Variants in DYNC2LI1 observed in about 807,000 individuals in gnomAD.
DYNC2LI1 encodes the protein cytoplasmic dynein 2 light intermediate chain 1.
DYNC2LI1 carries 45 observed loss-of-function variants against 51.9 expected under a neutral mutation model. That is an observed-to-expected ratio of 0.87 (90% CI 0.68 to 1.11). DYNC2LI1 has a LOEUF of 1.11. Among genes scored for constraint, DYNC2LI1 ranks in the 50% most tolerant of loss-of-function variants. The pLI is 0.00. For synonymous variants in DYNC2LI1, 130 were observed against 137.8 expected (o/e 0.94, Z 0.40); for missense variants, 490 against 417.4 (o/e 1.17, Z -1.51).
the DYNC2LI1 span, chr2:43,827,944 C>G: frequency 5.6e-6 from 9 of 1,611,902 alleles, no homozygotes; most frequent in Non-Finnish European, 7.6e-6. Context: ...ACAGAAGATG[C>G]CCAGACAGCA....
intron 9 of DYNC2LI1, 119 bp downstream of exon 9, chr2:43,801,036 C>A: frequency 2.5e-6 from 1 of 396,420 alleles, no homozygotes. Flanking sequence ...ACCCAGATGG[C>A]TTTTCTTAAA....
intron 5 of DYNC2LI1, among the ~76,000 whole-genome samples, chr2:43,790,259 C>T (rs575171398): frequency 6.6e-6 from 1 of 152,300 alleles, no homozygotes; most frequent in African/African-American, 2.4e-5. Flanking sequence ...GTGATGTTTT[C>T]CTGACAGTAA....
rs180872013 is a variant in DYNC2LI1, at chr2:43,778,896, T to C, written c.126+1997T>C. On this transcript the variant is annotated intron_variant, in intron 2 of 12. Coordinates refer to ENST00000260605, the MANE Select transcript of DYNC2LI1 (RefSeq NM_016008.4). ...TTTTTGTTTTTAGTAATAAAAGTAA[T>C]TTTGTTTCTGATGATTTGGGAACTC... 3.9e-5 allele frequency among the ~76,000 whole-genome samples: 6 copies of C among 152,336 alleles called. No individual in the cohort carries two copies. In the East Asian group the frequency reaches 9.6e-4, roughly 24 times the overall value.
downstream of DYNC2LI1, among the ~76,000 whole-genome samples, chr2:43,812,137 G>A (rs4952685): frequency 0.24 from 36,440 of 151,694 alleles, 5,269 homozygotes; most frequent in African/African-American, 0.4. Flanking sequence ...TGCAGCCCCT[G>A]CCTCCTAGGT....
intron 12 of DYNC2LI1, among the ~76,000 whole-genome samples, chr2:43,808,236 T>C (rs2104725233): frequency 6.7e-6 from 1 of 150,224 alleles, no homozygotes; most frequent in Middle Eastern, 3.5e-3. Flanking sequence ...ATGAAAATTC[T>C]TCCTAGAATC....
chr2:43,787,137 T>A lies in DYNC2LI1; in HGVS notation c.162-44T>A, dbSNP rs1673560854. The A allele has an allele frequency of 2.0e-6, 3 of 1,515,680 alleles. No individual in the cohort carries two copies. In the East Asian group the frequency reaches 6.8e-5, roughly 34 times the overall value. The allele number at this position is 1,515,680 out of a possible 1,614,324, so 93.9% of individuals were successfully genotyped here. ...CAGGTAAGGTGATAGCATAAGAAACTAATACCACCTACAATGATAATACTA... is the reference window on the plus strand; with the variant it reads ...CAGGTAAGGTGATAGCATAAGAAACAAATACCACCTACAATGATAATACTA... On this transcript the variant is annotated intron_variant, in intron 3 of 12. Transcript: ENST00000260605.
rs142464485 is a variant in DYNC2LI1 at position 43,789,685 on chromosome 2, A to C, written c.284A>C (p.Asp95Ala). The C allele has an allele frequency of 7.3e-4, 1,173 of 1,613,924 alleles. 14 individuals are homozygous for C. The African/African-American group carries it at 0.014, about 19-fold the overall frequency. ...CTCGGTGGAGGAACCTCTTTATTGG[A>C]CTTAATCAGCATACCCATCACAGGT... ...WELGGGTSLL[D>A]LISIPITGDT... The change falls in exon 5 of 13, where the codon GAC becomes GCC. Residue 95 changes from aspartate to alanine, a missense_variant. Asp to Ala is a moderately radical substitution (Grantham distance 126). Coordinates refer to ENST00000260605, the MANE Select transcript of DYNC2LI1 (RefSeq NM_016008.4).
At chr2:43,808,900 C>T (rs183228930) in intron 12 of DYNC2LI1, among the ~76,000 whole-genome samples, 33 of 151,962 alleles carry the variant, frequency 2.2e-4, no homozygotes, top group African/African-American at 7.0e-4. Context: ...CTTTTACATC[C>T]TTGTGCATTG....
chr2:43,813,684 T>G (rs1288868331), downstream of DYNC2LI1, among the ~76,000 whole-genome samples: 2 of 150,236 alleles, frequency 1.3e-5, no homozygotes, highest in African/African-American at 4.9e-5. Flanking sequence ...GTTTTTTTTT[T>G]GTTTTTTTTG....
At chr2:43,824,745 C>A in the DYNC2LI1 span, 3 of 1,445,100 alleles carry the variant, frequency 2.1e-6, no homozygotes, top group African/African-American at 4.3e-5. Context: ...TTCATTGACC[C>A]GGCCAAATTG....
chr2:43,806,433 C>T (rs1666259086), intron 12 of DYNC2LI1, among the ~76,000 whole-genome samples: 1 of 152,086 alleles, frequency 6.6e-6, no homozygotes, highest in African/African-American at 2.4e-5. Flanking sequence ...GTAAGCAAAA[C>T]ATTTTATGTA....
chr2:43,816,578 C>G, the DYNC2LI1 span, among the ~76,000 whole-genome samples: 5 of 152,126 alleles, frequency 3.3e-5, no homozygotes, highest in Non-Finnish European at 7.4e-5. Context: ...GAGTCTTGTT[C>G]TGTCACCTAG....
At chr2:43,824,404 G>C in the DYNC2LI1 span, 1 of 1,614,024 alleles carries the variant, frequency 6.2e-7, no homozygotes, top group South Asian at 1.1e-5. Context: ...CCCGTTCCTT[G>C]CTTTGGGTAT....
chr2:43,823,038 G>C, the DYNC2LI1 span: 1 of 1,493,044 alleles, frequency 6.7e-7, no homozygotes, highest in Non-Finnish European at 9.1e-7. Flanking sequence ...TGGATGGTGA[G>C]GACCAGCTAG....
the DYNC2LI1 span, among the ~76,000 whole-genome samples, chr2:43,818,173 T>C: frequency 6.6e-6 from 1 of 152,056 alleles, no homozygotes; most frequent in Non-Finnish European, 1.5e-5. Flanking sequence ...GTTTCTAGGT[T>C]GGCTGCGGTG....
At chr2:43,828,280 T>C in the DYNC2LI1 span, 4 of 916,470 alleles carry the variant, frequency 4.4e-6, no homozygotes, top group Non-Finnish European at 6.8e-6. Context: ...AATAATATGA[T>C]CCAATTCGGC....
chr2:43,804,659 G>C lies in DYNC2LI1; in HGVS notation c.820G>C (p.Glu274Gln). 1.9e-6 allele frequency: 3 copies of C among 1,604,504 alleles called. No individual in the cohort carries two copies. The highest frequency in any genetic ancestry group is 2.5e-6 in the Non-Finnish European group (3 of 1,176,552). Residue 274 changes from glutamate (E) to glutamine (Q), a missense_variant, in exon 11 of 13, where the codon GAA (glutamate) becomes CAA (glutamine). By Grantham distance (29) the Glu-to-Gln change is conservative. Transcript: ENST00000260605. ...TATTTTAGGATCTCCTCCTGTTCCT[G>C]AAAATGACATTGGAAAGCTTCATGC... Reference protein sequence around the residue: ...FGQIGSPPVPENDIGKLHAHS... With the variant: ...FGQIGSPPVPQNDIGKLHAHS...
chr2:43,826,444 G>T, the DYNC2LI1 span: 5 of 1,614,172 alleles, frequency 3.1e-6, no homozygotes, highest in South Asian at 1.1e-5. Flanking sequence ...CTGCGAGCCA[G>T]TTCCACCAGG....
the DYNC2LI1 span, among the ~76,000 whole-genome samples, chr2:43,820,616 T>A: frequency 1.1e-4 from 16 of 152,262 alleles, no homozygotes; most frequent in Admixed American, 8.5e-4. Context: ...TCCATTCCAT[T>A]CTTGTCTTTT....
Sources: allele counts gnomAD v4.1 joint callset (sites outside exome capture counted in the v4.1 genomes callset), GRCh38; gene constraint gnomAD v4.1.1; transcripts MANE v1.5; gene names NCBI Gene and HGNC (gene_info 2026-07-23, HGNC 2026-07-21).